The following ATP7B variants were observed in gnomAD, a reference collection of about 807,000 sequenced individuals.
ATP7B encodes the protein copper-transporting ATPase 2.
A neutral mutation model predicts 118.9 loss-of-function variants in ATP7B; 113 were observed. The ratio of observed to expected loss-of-function variants is 0.95; its 90% CI spans 0.82 to 1.11. The LOEUF is 1.11. ATP7B is among the 50% of genes most tolerant of loss of function. ATP7B has a pLI of 0.00. For synonymous variants in ATP7B, 777 were observed against 727.4 expected, an observed-to-expected ratio of 1.07 and a Z score of -1.10; for missense variants, 1,867 against 1,871.4, an observed-to-expected ratio of 1.00 and a Z score of 0.04.
intron 1 of ATP7B, among the ~76,000 whole-genome samples, chr13:51,998,806 A>T (rs1420517329): frequency 6.6e-6 from 1 of 152,214 alleles, no homozygotes; most frequent in East Asian, 1.9e-4. Flanking sequence ...ATGAACCTCC[A>T]GGACAAAGGG....
At chr13:52,009,586 C>A (rs1014841510) in intron 1 of ATP7B, among the ~76,000 whole-genome samples, 18 of 152,204 alleles carry the variant, frequency 1.2e-4, no homozygotes, top group African/African-American at 4.3e-4. Context: ...TGTTGTAAGA[C>A]TCTCACGGCA....
chr13:51,952,073 G>C (rs538264855), intron 9 of ATP7B, among the ~76,000 whole-genome samples: 1 of 152,208 alleles, frequency 6.6e-6, no homozygotes, highest in Non-Finnish European at 1.5e-5. Context: ...TTTTGTGAAG[G>C]AACAGAAAAA....
Position 51,982,068 on chromosome 13 carries a change from G to A in ATP7B, c.52-6900C>T, listed in dbSNP as rs1421976742. 7.3e-5 allele frequency among the ~76,000 whole-genome samples: 11 copies of A among 150,080 alleles called. No individual in the cohort carries two copies. In the East Asian group the frequency reaches 7.8e-4, roughly 11 times the overall value. On this transcript the variant is annotated intron_variant, in intron 1 of 20. Transcript: ENST00000242839. ...GTGTTAGCGTATTTTATGTGTGGCC[G>A]AAGACACATTCTTCTTCTAATGTGG...
At chr13:51,935,755 T>A (rs938942033) in intron 19 of ATP7B, 60 bp from the exon 20 acceptor site, 1 of 1,489,902 alleles carries the variant, frequency 6.7e-7, no homozygotes, top group African/African-American at 1.4e-5. Context: ...AGGAGAGGGC[T>A]TCAGGCACCG....
chr13:51,960,283 G>A lies in ATP7B; in HGVS notation c.1986C>T (p.Ile662=), dbSNP rs1157136331. The A allele has an allele frequency of 2.5e-6, 4 of 1,613,890 alleles. No homozygotes were observed. Among genetic ancestry groups the A allele is most frequent in the Admixed American group, 1.7e-5 (1 of 60,018 alleles). Residue 662 remains isoleucine, a synonymous_variant, in exon 7 of 21, where the codon ATC becomes ATT. Transcript: ENST00000242839. ...KSFLCSLVFG[I]PVMALMIYML... Reference sequence around the variant, plus strand: ...TATAGATCATTAAGGCCATGACAGGGATGCCAAACACCAGGCTGCACAGGA... The same window carrying A: ...TATAGATCATTAAGGCCATGACAGGAATGCCAAACACCAGGCTGCACAGGA...
chr13:52,010,472 AC>A (rs1264907774), intron 1 of ATP7B, among the ~76,000 whole-genome samples: 2 of 152,246 alleles, frequency 1.3e-5, no homozygotes, highest in Non-Finnish European at 2.9e-5. Context: ...CAGAACGTCC[AC>A]CACTAGGAAA....
At chr13:51,967,302 G>A (rs945194829) in intron 4 of ATP7B, among the ~76,000 whole-genome samples, 3 of 151,838 alleles carry the variant, frequency 2.0e-5, no homozygotes, top group African/African-American at 7.3e-5. Context: ...ATTTCAAAGT[G>A]TGTTGGATTA....
intron 15 of ATP7B, 150 bp from the exon 16 acceptor site, chr13:51,941,374 CAAA>C (rs377284993): frequency 3.3e-4 from 213 of 640,278 alleles, no homozygotes; most frequent in Middle Eastern, 8.3e-4. Context: ...TCCTTTAGGA[CAAA>C]AAAAAAAAAA....
intron 1 of ATP7B, among the ~76,000 whole-genome samples, chr13:51,992,122 TA>T (rs1345136519): frequency 2.0e-5 from 3 of 147,378 alleles, no homozygotes; most frequent in Admixed American, 6.8e-5. Flanking sequence ...CTGCATTGTG[TA>T]AGAAATGTAA....
chr13:51,973,838 G>A (rs1951958847), intron 2 of ATP7B, 97 bp downstream of exon 2: 3 of 1,547,074 alleles, frequency 1.9e-6, no homozygotes, highest in South Asian at 1.1e-5. Context: ...GACATGGGAG[G>A]CAGGGAGCAG....
At chr13:51,991,050 T>C (rs1593842217) in intron 1 of ATP7B, among the ~76,000 whole-genome samples, 1 of 151,760 alleles carries the variant, frequency 6.6e-6, no homozygotes, top group African/African-American at 2.4e-5. Context: ...ATCGCGCCAC[T>C]GCACTCCAGC....
At chr13:51,972,318 T>C (rs1473476998) in intron 2 of ATP7B, among the ~76,000 whole-genome samples, 1 of 152,144 alleles carries the variant, frequency 6.6e-6, no homozygotes, top group African/African-American at 2.4e-5. Context: ...GCGGCTCGCA[T>C]TATGTCCAGG....
intron 1 of ATP7B, among the ~76,000 whole-genome samples, chr13:52,006,724 G>A (rs895312156): frequency 1.3e-5 from 2 of 152,080 alleles, no homozygotes; most frequent in Admixed American, 1.3e-4. Context: ...GCCTTGCCAC[G>A]CCCCTCACAG....
rs772709899 is a variant in ATP7B at position 51,970,628 on chromosome 13, G to T, written c.1407C>A (p.Asn469Lys). The T allele has an allele frequency of 1.2e-6, 2 of 1,614,134 alleles. No individual in the cohort carries two copies. The highest frequency in any genetic ancestry group is 3.3e-5 in the Admixed American group (2 of 60,008). Residue 469 changes from asparagine to lysine, a missense_variant, in exon 3 of 21, where the codon AAC becomes AAA. Transcript: ENST00000242839. ...VAPHTGRLPANHAPDILAKSP... is the reference protein window; with the variant it reads ...VAPHTGRLPAKHAPDILAKSP... ...ACTTTGCCAAGATGTCCGGGGCATG[G>T]TTTGCAGGGAGCCTCCCAGTGTGGG...
chr13:51,946,226 T>G, intron 13 of ATP7B, 58 bp downstream of exon 13: 3 of 1,538,554 alleles, frequency 1.9e-6, no homozygotes, highest in Non-Finnish European at 2.6e-6. Context: ...CAATGTGAAA[T>G]AGTAAACAGA....
At chr13:51,977,316 C>G (rs1224964350) in intron 1 of ATP7B, among the ~76,000 whole-genome samples, 1 of 150,658 alleles carries the variant, frequency 6.6e-6, no homozygotes, top group Non-Finnish European at 1.5e-5. Flanking sequence ...CAAATATTTT[C>G]TTTATATACT....
At chr13:51,996,363 TGCTCTGTCGGGCAGC>T (rs1346664795) in intron 1 of ATP7B, among the ~76,000 whole-genome samples, 1 of 152,174 alleles carries the variant, frequency 6.6e-6, no homozygotes, top group Non-Finnish European at 1.5e-5. Context: ...AGCAGCAGCC[TGCTCTGTCGGGCAGC>T]GCTGCCTCCA....
chr13:52,008,195 C>G (rs911540824), intron 1 of ATP7B, among the ~76,000 whole-genome samples: 2 of 152,138 alleles, frequency 1.3e-5, no homozygotes, highest in African/African-American at 4.8e-5. Context: ...CAAAAATTAG[C>G]TGGGTGTGGT....
At chr13:52,001,259 T>C (rs953445958) in intron 1 of ATP7B, among the ~76,000 whole-genome samples, 2 of 152,152 alleles carry the variant, frequency 1.3e-5, no homozygotes, top group Non-Finnish European at 2.9e-5. Flanking sequence ...CTAAAGTCTA[T>C]TCTCAACACA....
Sources: allele counts gnomAD v4.1 joint callset (sites outside exome capture counted in the v4.1 genomes callset), GRCh38; gene constraint gnomAD v4.1.1; transcripts MANE v1.5; gene names NCBI Gene and HGNC (gene_info 2026-07-23, HGNC 2026-07-21).